The following CDK14 variants were observed in gnomAD, a reference collection of about 807,000 sequenced individuals.
CDK14 encodes the protein cyclin-dependent kinase 14.
In CDK14, 34 loss-of-function variants were observed where a neutral mutation model predicts 60.7. That is an observed-to-expected ratio of 0.56 (90% CI 0.43 to 0.75). CDK14 has a LOEUF of 0.75. Ranked by LOEUF, CDK14 falls within the 30% of genes least tolerant of loss-of-function variation. The probability of loss-of-function intolerance (pLI) is 0.00; values close to 1 mark genes in which losing one functional copy is unlikely to be tolerated. For synonymous variants in CDK14, 197 were observed against 203.7 expected (o/e 0.97, Z 0.28); for missense variants, 482 against 564.1 (o/e 0.85, Z 1.47).
At chr7:90,716,251 TC>T (rs1038597676) in intron 2 of CDK14, 1 of 151,960 alleles carries the variant, frequency 6.6e-6, no homozygotes, top group African/African-American at 2.4e-5. Context: ...GGCCAAAGAC[TC>T]CCCTCACACC....
chr7:91,206,200 G>A (rs1329952974), intron 14 of CDK14, among the ~76,000 whole-genome samples: 2 of 152,202 alleles, frequency 1.3e-5, no homozygotes, highest in Non-Finnish European at 1.5e-5. Flanking sequence ...CACAGCCTGT[G>A]TGTGCAGCAG....
chr7:91,180,472 A>G (rs1801966406), intron 14 of CDK14, among the ~76,000 whole-genome samples: 1 of 150,422 alleles, frequency 6.6e-6, no homozygotes, highest in African/African-American at 2.5e-5. Context: ...GCAAGTATAC[A>G]CATACATGCA....
At chr7:90,769,026 A>G (rs1804679300) in intron 4 of CDK14, among the ~76,000 whole-genome samples, 1 of 152,244 alleles carries the variant, frequency 6.6e-6, no homozygotes, top group Non-Finnish European at 1.5e-5. Flanking sequence ...ATCAGTGATT[A>G]AAACCTTTGT....
At chr7:90,856,868 G>A (rs532325102) in intron 5 of CDK14, among the ~76,000 whole-genome samples, 1 of 152,158 alleles carries the variant, frequency 6.6e-6, no homozygotes, top group Admixed American at 6.5e-5. Flanking sequence ...TGGGTCCTTA[G>A]GTTTCATGAG....
chr7:91,147,162 T>TCTCTCTCACACACA (rs1438870514), intron 14 of CDK14, among the ~76,000 whole-genome samples: 12 of 124,698 alleles, frequency 9.6e-5, no homozygotes, highest in African/African-American at 4.0e-4. Flanking sequence ...TCTCTCTCTC[T>TCTCTCTCACACACA]CACACACACA....
intron 4 of CDK14, among the ~76,000 whole-genome samples, chr7:90,788,816 T>C (rs975249102): frequency 2.0e-5 from 3 of 152,234 alleles, no homozygotes; most frequent in Non-Finnish European, 4.4e-5. Context: ...TCTCCTTTGC[T>C]AGTTCTTTAA....
Position 90,688,894 on chromosome 7 carries a change from T to C in CDK14, c.124-37673T>C, listed in dbSNP as rs74566534. Among the ~76,000 whole-genome samples, 1,496 of 152,272 alleles carry C rather than the reference T, an allele frequency of 9.8e-3. 24 individuals carry two copies. Among genetic ancestry groups the C allele is most frequent in the African/African-American group, 0.033 (1,371 of 41,546 alleles). On this transcript the variant is annotated intron_variant, in intron 2 of 14. Coordinates refer to ENST00000380050, the MANE Select transcript of CDK14 (RefSeq NM_001287135.2). ...GAATTTTCAGAGTCCCTCCCTTCCC[T>C]TTTCTCTCTCCTTTCCTCTCTCCCA...
intron 14 of CDK14, among the ~76,000 whole-genome samples, chr7:91,162,359 G>A (rs780922573): frequency 3.3e-5 from 5 of 152,320 alleles, no homozygotes; most frequent in Non-Finnish European, 7.3e-5. Flanking sequence ...CATGGCACAG[G>A]TGGAAAGAAT....
chr7:91,055,644 G>A (rs1238394932), intron 11 of CDK14, among the ~76,000 whole-genome samples: 2 of 152,144 alleles, frequency 1.3e-5, no homozygotes, highest in South Asian at 2.1e-4. Flanking sequence ...TGATATAGAG[G>A]GCCAATCACC....
chr7:90,666,872 C>T (rs1014730133), intron 2 of CDK14, among the ~76,000 whole-genome samples: 3 of 152,096 alleles, frequency 2.0e-5, no homozygotes, highest in Non-Finnish European at 2.9e-5. Flanking sequence ...CATTTTGTAT[C>T]GCAATCTCTT....
intron 12 of CDK14, among the ~76,000 whole-genome samples, chr7:91,086,223 G>A (rs970866454): frequency 6.6e-6 from 1 of 152,172 alleles, no homozygotes; most frequent in Non-Finnish European, 1.5e-5. Flanking sequence ...TAAACACCCT[G>A]AGTATAATAG....
At chr7:90,875,491 A>G (rs1273308585) in intron 6 of CDK14, among the ~76,000 whole-genome samples, 1 of 151,368 alleles carries the variant, frequency 6.6e-6, no homozygotes, top group Non-Finnish European at 1.5e-5. Flanking sequence ...AGGGGTGCCA[A>G]TTTTATTTAC....
At chr7:90,734,212 C>A (rs1802991770) in intron 3 of CDK14, among the ~76,000 whole-genome samples, 1 of 152,130 alleles carries the variant, frequency 6.6e-6, no homozygotes, top group Non-Finnish European at 1.5e-5. Flanking sequence ...TTGTGGGTAA[C>A]CTGAGTCTTC....
At chr7:90,986,785 G>A (rs1156332962) in intron 10 of CDK14, among the ~76,000 whole-genome samples, 1 of 151,848 alleles carries the variant, frequency 6.6e-6, no homozygotes, top group Non-Finnish European at 1.5e-5. Flanking sequence ...GATAATAATA[G>A]TATAACCAAA....
At chr7:91,049,704 TA>T (rs1373878030) in intron 11 of CDK14, among the ~76,000 whole-genome samples, 4 of 152,268 alleles carry the variant, frequency 2.6e-5, no homozygotes, top group Admixed American at 2.0e-4. Flanking sequence ...ATTTTTTAAA[TA>T]ACTTATTTTT....
At chr7:91,103,277 A>G (rs1268035198) in intron 12 of CDK14, among the ~76,000 whole-genome samples, 2 of 151,544 alleles carry the variant, frequency 1.3e-5, no homozygotes, top group Admixed American at 1.3e-4. Flanking sequence ...GCTGTCTTCC[A>G]GGAAGTAGCC....
rs116882391 is a variant in CDK14, at chr7:91,162,448, G to A, written c.*28+44240G>A. 4.4e-3 allele frequency among the ~76,000 whole-genome samples: 673 copies of A among 152,314 alleles called. 5 individuals are homozygous for A. The highest frequency in any genetic ancestry group is 6.8e-3 in the Middle Eastern group (2 of 294). On this transcript the variant is annotated intron_variant, in intron 14 of 14. Coordinates refer to ENST00000380050, the MANE Select transcript of CDK14 (RefSeq NM_001287135.2). ...CTGGAGAGCGGTCAGTTCTGTGAAG[G>A]TGCCAGTGGAGGAACAAATGGGAGG...
At chr7:90,633,047 G>C (rs1203126043) in intron 2 of CDK14, among the ~76,000 whole-genome samples, 2 of 149,544 alleles carry the variant, frequency 1.3e-5, no homozygotes, top group Non-Finnish European at 1.5e-5. Context: ...AGTAAGCCGA[G>C]ACTGTGCTAC....
At chr7:90,704,048 G>A (rs934048227) in intron 2 of CDK14, among the ~76,000 whole-genome samples, 12 of 152,110 alleles carry the variant, frequency 7.9e-5, no homozygotes, top group East Asian at 1.9e-4. Flanking sequence ...ACTCATAATC[G>A]TGCCGCTGTA....
Sources: gnomAD v4.1 joint callset for allele counts (sites outside exome capture counted in the v4.1 genomes callset) on GRCh38, gnomAD v4.1.1 for gene constraint, MANE v1.5 for transcripts, NCBI Gene and HGNC (gene_info 2026-07-23, HGNC 2026-07-21) for gene names.